The following PRKG1 variants were observed in gnomAD, a reference collection of about 807,000 sequenced individuals.
PRKG1 encodes cGMP-dependent protein kinase 1.
In PRKG1, 35 loss-of-function variants were observed where a neutral mutation model predicts 88.1. The observed-to-expected ratio is 0.40, with a 90% CI of 0.30 to 0.53. The LOEUF (loss-of-function observed/expected upper bound fraction) is 0.53. PRKG1 is among the 20% of genes least tolerant of loss of function. The probability of loss-of-function intolerance (pLI) is 0.59; values close to 1 mark genes in which losing one functional copy is unlikely to be tolerated. For missense variants in PRKG1, 540 were observed against 839.8 expected, an observed-to-expected ratio of 0.64 and a Z score of 4.41; for synonymous variants, 303 against 292.5, an observed-to-expected ratio of 1.04 and a Z score of -0.37.
At chr10:51,758,109 C>T (rs1182593323) in intron 3 of PRKG1, among the ~76,000 whole-genome samples, 1 of 151,980 alleles carries the variant, frequency 6.6e-6, no homozygotes, top group African/African-American at 2.4e-5. Context: ...TTTTCAAAAG[C>T]CTAGGATGTA....
intron 2 of PRKG1, among the ~76,000 whole-genome samples, chr10:51,338,533 C>T (rs542155357): frequency 1.4e-3 from 210 of 152,136 alleles, no homozygotes; most frequent in Non-Finnish European, 2.5e-3. Flanking sequence ...AGATAGATGC[C>T]CTATAAATAC....
At chr10:51,375,529 G>A (rs1842799564) in intron 2 of PRKG1, among the ~76,000 whole-genome samples, 1 of 151,832 alleles carries the variant, frequency 6.6e-6, no homozygotes, top group African/African-American at 2.4e-5. Context: ...TTTCCTTTTA[G>A]TGTCATGTCA....
intron 2 of PRKG1, among the ~76,000 whole-genome samples, chr10:51,417,354 T>C (rs1017464453): frequency 3.3e-5 from 5 of 152,226 alleles, no homozygotes; most frequent in African/African-American, 1.2e-4. Context: ...CCAGTATTCC[T>C]GCTATTCTTT....
At chr10:51,857,227 A>G (rs1395362457) in intron 4 of PRKG1, among the ~76,000 whole-genome samples, 1 of 152,200 alleles carries the variant, frequency 6.6e-6, no homozygotes, top group East Asian at 1.9e-4. Context: ...TAGATTAAGA[A>G]TGCCTTGAGC....
intron 5 of PRKG1, among the ~76,000 whole-genome samples, chr10:52,008,606 A>G (rs1844800882): frequency 6.6e-6 from 1 of 152,136 alleles, no homozygotes; most frequent in Non-Finnish European, 1.5e-5. Context: ...GACTAATAAC[A>G]AGTTCCAAAG....
intron 4 of PRKG1, among the ~76,000 whole-genome samples, chr10:51,886,881 C>T (rs1247394597): frequency 6.6e-6 from 1 of 152,202 alleles, no homozygotes; most frequent in African/African-American, 2.4e-5. Context: ...GTTAGCCATC[C>T]TTATCTGCAA....
chr10:51,965,441 G>A (rs1029097031), intron 5 of PRKG1, among the ~76,000 whole-genome samples: 1 of 152,102 alleles, frequency 6.6e-6, no homozygotes, highest in African/African-American at 2.4e-5. Flanking sequence ...AGCTCAAATT[G>A]TATGTAAGAT....
At chr10:51,017,058 G>A (rs1843076695) in intron 1 of PRKG1, among the ~76,000 whole-genome samples, 1 of 151,774 alleles carries the variant, frequency 6.6e-6, no homozygotes, top group African/African-American at 2.4e-5. Flanking sequence ...TTACATGAGA[G>A]TTCACTCTCT....
chr10:51,992,615 G>T (rs1377277937), intron 5 of PRKG1, among the ~76,000 whole-genome samples: 1 of 151,818 alleles, frequency 6.6e-6, no homozygotes, highest in Non-Finnish European at 1.5e-5. Flanking sequence ...CAACATTACT[G>T]CCCCAAAATC....
intron 4 of PRKG1, among the ~76,000 whole-genome samples, chr10:51,843,982 A>G (rs1408723521): frequency 2.6e-5 from 4 of 152,174 alleles, no homozygotes; most frequent in African/African-American, 9.6e-5. Flanking sequence ...AATTATTATC[A>G]GGAGTATACA....
At position 51,565,240 on chromosome 10, in the gene PRKG1, A is replaced by T. The variant is rs186230169; in HGVS notation, c.592+97404A>T. Among the ~76,000 whole-genome samples the T allele has an allele frequency of 5.8e-4, 89 of 152,214 alleles. 1 individual carries two copies. Among genetic ancestry groups the T allele is most frequent in the South Asian group, 2.1e-3 (10 of 4,830 alleles). On this transcript the variant is annotated intron_variant, in intron 3 of 17. Transcript: ENST00000373980. Reference sequence around the variant, plus strand: ...AAAACCCTAAAGGATTCACTCTCCAAAAGCCTTTCTCTTGAGTTTTGTCCT... The same window carrying T: ...AAAACCCTAAAGGATTCACTCTCCATAAGCCTTTCTCTTGAGTTTTGTCCT...
intron 2 of PRKG1, among the ~76,000 whole-genome samples, chr10:51,180,973 G>A (rs556625197): frequency 6.6e-6 from 1 of 151,992 alleles, no homozygotes; most frequent in African/African-American, 2.4e-5. Flanking sequence ...TTATTATTTG[G>A]TCTATAAAGA....
intron 9 of PRKG1, among the ~76,000 whole-genome samples, chr10:52,174,922 T>C (rs750312534): frequency 6.6e-6 from 1 of 152,074 alleles, no homozygotes; most frequent in Non-Finnish European, 1.5e-5. Context: ...GATGTTCCAA[T>C]ACATATAATG....
chr10:52,289,534 A>C (rs768919466), intron 16 of PRKG1, among the ~76,000 whole-genome samples: 1 of 152,150 alleles, frequency 6.6e-6, no homozygotes, highest in Non-Finnish European at 1.5e-5. Context: ...CACTGACAGG[A>C]AATTCACATC....
chr10:51,152,613 T>C (rs1369406711), intron 1 of PRKG1, among the ~76,000 whole-genome samples: 2 of 151,998 alleles, frequency 1.3e-5, no homozygotes, highest in Admixed American at 6.6e-5. Context: ...ACACTGGGCA[T>C]AAAATAAAGA....
At chr10:51,852,228 T>TATATATATATATATATATATAC (rs967267602) in intron 4 of PRKG1, among the ~76,000 whole-genome samples, 2 of 148,564 alleles carry the variant, frequency 1.3e-5, no homozygotes, top group African/African-American at 4.9e-5. Context: ...TATATATATA[T>TATATATATATATATATATATAC]ACACACACAC....
intron 5 of PRKG1, among the ~76,000 whole-genome samples, chr10:52,039,554 G>A (rs1003146862): frequency 6.6e-6 from 1 of 152,116 alleles, no homozygotes; most frequent in Non-Finnish European, 1.5e-5. Context: ...GGGCTCAGAG[G>A]CCTGACAGTA....
chr10:51,585,231 G>A (rs762513225), intron 3 of PRKG1, among the ~76,000 whole-genome samples: 5 of 152,112 alleles, frequency 3.3e-5, no homozygotes, highest in Middle Eastern at 6.8e-3. Context: ...TTTCTCAAAA[G>A]GGTAGTTTGA....
At chr10:51,333,986 A>G (rs1841803514) in intron 2 of PRKG1, among the ~76,000 whole-genome samples, 2 of 152,128 alleles carry the variant, frequency 1.3e-5, no homozygotes, top group Admixed American at 1.3e-4. Flanking sequence ...CAAACACACC[A>G]ATTGTGTCGC....
Sources: gnomAD v4.1 joint callset for allele counts (sites outside exome capture counted in the v4.1 genomes callset) on GRCh38, gnomAD v4.1.1 for gene constraint, MANE v1.5 for transcripts, NCBI Gene and HGNC (gene_info 2026-07-23, HGNC 2026-07-21) for gene names.